Variants in CACNA1D observed in about 807,000 individuals in gnomAD.
CACNA1D encodes voltage-dependent L-type calcium channel subunit alpha-1D.
CACNA1D carries 55 observed loss-of-function variants against 257.1 expected under a neutral mutation model. The ratio of observed to expected loss-of-function variants is 0.21; its 90% CI spans 0.17 to 0.27. CACNA1D has a LOEUF of 0.27. Among genes scored for constraint, CACNA1D ranks in the 10% least tolerant of loss-of-function variants. CACNA1D has a pLI of 1.00. For synonymous variants in CACNA1D, 980 were observed against 1,014.9 expected, an observed-to-expected ratio of 0.97 and a Z score of 0.65; for missense variants, 1,876 against 2,784.0, an observed-to-expected ratio of 0.67 and a Z score of 7.34.
At chr3:53,586,043 C>T (rs1180113486) in intron 3 of CACNA1D, among the ~76,000 whole-genome samples, 1 of 152,060 alleles carries the variant, frequency 6.6e-6, no homozygotes, top group African/African-American at 2.4e-5. Flanking sequence ...GGTTCAGGAA[C>T]AAAGCAGGCC....
In CACNA1D at chr3:53,666,411, C is replaced by CGGAATGTA; in HGVS notation, c.996_1003dup (p.Ser335AsnfsTer42). 1 of 1,614,154 alleles carries CGGAATGTA rather than the reference C, an allele frequency of 6.2e-7. No individual in the cohort carries two copies. The highest frequency in any genetic ancestry group is 8.5e-7 in the Non-Finnish European group (1 of 1,180,000). Reference sequence around the variant, plus strand: ...GGACGCCAGTGTACTGCCAATGGCACGGAATGTAGGAGTGGCTGGGTTGGC... The same window carrying CGGAATGTA: ...GGACGCCAGTGTACTGCCAATGGCACGGAATGTAGGAATGTAGGAGTGGCTGGGTTGGC... On this transcript the variant is annotated frameshift_variant, in exon 7 of 48. Coordinates refer to ENST00000350061, the MANE Select transcript of CACNA1D (RefSeq NM_001128840.3). LOFTEE classifies it high-confidence loss of function.
intron 3 of CACNA1D, among the ~76,000 whole-genome samples, chr3:53,598,056 A>G (rs2093393000): frequency 6.6e-6 from 1 of 152,164 alleles, no homozygotes. Flanking sequence ...GAAGGCTTTC[A>G]GGATCTTTAG....
At chr3:53,672,677 G>A (rs2094334191) in intron 7 of CACNA1D, among the ~76,000 whole-genome samples, 1 of 151,700 alleles carries the variant, frequency 6.6e-6, no homozygotes, top group Non-Finnish European at 1.5e-5. Context: ...ACAGTTTCCT[G>A]TAAGAAAAAG....
Position 53,557,968 on chromosome 3 carries a change from T to G in CACNA1D, c.483+56248T>G, listed in dbSNP as rs1488305692. Among the ~76,000 whole-genome samples the G allele has an allele frequency of 3.9e-5, 6 of 152,238 alleles. 1 individual carries two copies. Among genetic ancestry groups the G allele is most frequent in the Admixed American group, 2.0e-4 (3 of 15,286 alleles). ...AGAATTGATATTTCAATCATATTGT[T>G]TTCTAATTCCTGAACATGATATCCT... On this transcript the variant is annotated intron_variant, in intron 3 of 47. Transcript: ENST00000350061.
At chr3:53,687,456 G>A (rs1449777582) in intron 8 of CACNA1D, among the ~76,000 whole-genome samples, 1 of 151,572 alleles carries the variant, frequency 6.6e-6, no homozygotes. Flanking sequence ...TCCTTTATAT[G>A]TTCAATTGCT....
chr3:53,526,612 A>G (rs1010708529), intron 3 of CACNA1D, among the ~76,000 whole-genome samples: 1 of 152,206 alleles, frequency 6.6e-6, no homozygotes, highest in Admixed American at 6.5e-5. Flanking sequence ...AGCTGGTGCA[A>G]TGGCACGCCC....
intron 3 of CACNA1D, among the ~76,000 whole-genome samples, chr3:53,636,191 C>A (rs2093881464): frequency 6.6e-6 from 1 of 152,136 alleles, no homozygotes; most frequent in African/African-American, 2.4e-5. Flanking sequence ...AGATTATCGA[C>A]TTCTAGAGTT....
chr3:53,519,488 C>T (rs567428416), intron 3 of CACNA1D, among the ~76,000 whole-genome samples: 1 of 152,228 alleles, frequency 6.6e-6, no homozygotes, highest in East Asian at 1.9e-4. Context: ...CATCTTTGAC[C>T]TGAGTCAGTG....
At chr3:53,765,379 GCT>G (rs1229321369) in intron 30 of CACNA1D, 1 of 152,688 alleles carries the variant, frequency 6.5e-6, no homozygotes, top group Non-Finnish European at 1.5e-5. Context: ...AACCTGCCAT[GCT>G]CTCTTCCCCA....
chr3:53,701,902 AG>A (rs2094629347), intron 8 of CACNA1D, among the ~76,000 whole-genome samples: 1 of 152,242 alleles, frequency 6.6e-6, no homozygotes, highest in Non-Finnish European at 1.5e-5. Flanking sequence ...ATAAATGGGC[AG>A]AAAATCATAT....
At chr3:53,782,633 G>C (rs1420752704) in intron 39 of CACNA1D, 1 of 152,224 alleles carries the variant, frequency 6.6e-6, no homozygotes. Context: ...CAGCATGCCA[G>C]CCAGCTCTGC....
chr3:53,614,140 A>AAG (rs1431518722), intron 3 of CACNA1D, among the ~76,000 whole-genome samples: 4 of 151,642 alleles, frequency 2.6e-5, no homozygotes, highest in African/African-American at 7.3e-5. Flanking sequence ...AAAAAAAAAA[A>AAG]AAAGAGAGAC....
chr3:53,810,660 CA>C (rs933105646), intron 47 of CACNA1D: 2 of 347,174 alleles, frequency 5.8e-6, no homozygotes, highest in Admixed American at 8.4e-5. Context: ...CAGGAGGCTG[CA>C]GCAGGAGAAC....
chr3:53,541,897 A>C (rs1017774808), intron 3 of CACNA1D, among the ~76,000 whole-genome samples: 1 of 152,242 alleles, frequency 6.6e-6, no homozygotes, highest in African/African-American at 2.4e-5. Flanking sequence ...AGACAATCAC[A>C]AAAGACCACG....
In CACNA1D at chr3:53,735,494, C is replaced by T. The variant is rs147601660; in HGVS notation, c.2742C>T (p.Phe914=). 4.5e-4 allele frequency: 731 copies of T among 1,614,034 alleles called. No homozygotes were observed. The highest frequency in any genetic ancestry group is 5.8e-4 in the Non-Finnish European group (680 of 1,180,046). Residue 914 remains phenylalanine (F), a synonymous_variant, in exon 20 of 48, where the codon TTC becomes TTT. Transcript: ENST00000350061. ...AGGACCCCATCCGCAGCCACTCCTTCCGGAACACGGTAAGTCCCCAGGGTG... is the reference window on the plus strand; with the variant it reads ...AGGACCCCATCCGCAGCCACTCCTTTCGGAACACGGTAAGTCCCCAGGGTG... ...AAEDPIRSHS[F]RNTILGYFDY...
chr3:53,767,968 T>A (rs1044353481), intron 30 of CACNA1D, among the ~76,000 whole-genome samples: 2 of 152,216 alleles, frequency 1.3e-5, no homozygotes, highest in Non-Finnish European at 2.9e-5. Flanking sequence ...TGTGCTGCCC[T>A]CTCCCTTTAC....
rs1242306099 is a variant in CACNA1D, at chr3:53,539,016, T to C, written c.483+37296T>C. On this transcript the variant is annotated intron_variant, in intron 3 of 47. Transcript: ENST00000350061. The stretch of plus-strand genomic sequence containing the variant: ...GACTTCCTCGATTTTCTTTCCTGTT[T>C]GATCATTTAAGACAAAATACGTCCC... Among the ~76,000 whole-genome samples the C allele has an allele frequency of 2.0e-5, 3 of 152,208 alleles. No individual in the cohort carries two copies. The East Asian group carries it at 5.8e-4, about 29-fold the overall frequency.
rs77881212 is a variant in CACNA1D, at chr3:53,534,041, C to G, written c.483+32321C>G. On this transcript the variant is annotated intron_variant, in intron 3 of 47. Transcript: ENST00000350061. ...AGAGGAGCTGAAGCCACTGAGTTACCCCGGGGTTCAAGATGGGGAGCAGCA... is the reference window on the plus strand; with the variant it reads ...AGAGGAGCTGAAGCCACTGAGTTACGCCGGGGTTCAAGATGGGGAGCAGCA... 7.2e-3 allele frequency among the ~76,000 whole-genome samples: 1,094 copies of G among 152,126 alleles called. 16 individuals are homozygous for G. Among genetic ancestry groups the G allele is most frequent in the African/African-American group, 0.025 (1,035 of 41,496 alleles).
rs1261583032 is a variant in CACNA1D at position 53,597,782 on chromosome 3, C to G, written c.484-52997C>G. Among the ~76,000 whole-genome samples, 3 of 152,164 alleles carry G rather than the reference C, an allele frequency of 2.0e-5. 1 individual carries two copies. Among genetic ancestry groups the G allele is most frequent in the South Asian group, 4.1e-4 (2 of 4,826 alleles). Reference sequence around the variant, plus strand: ...CTCTCTGAGGGAGCTGCAACTCCAGCCTTTCATCTCACAACTCAAGTTGCT... The same window carrying G: ...CTCTCTGAGGGAGCTGCAACTCCAGGCTTTCATCTCACAACTCAAGTTGCT... On this transcript the variant is annotated intron_variant, in intron 3 of 47. Coordinates refer to ENST00000350061, the MANE Select transcript of CACNA1D (RefSeq NM_001128840.3).
Sources: gnomAD v4.1 joint callset for allele counts (sites outside exome capture counted in the v4.1 genomes callset) on GRCh38, gnomAD v4.1.1 for gene constraint, MANE v1.5 for transcripts, NCBI Gene and HGNC (gene_info 2026-07-23, HGNC 2026-07-21) for gene names.